HERC1: variants seen among roughly 807,000 people sequenced by gnomAD.
HERC1 encodes probable E3 ubiquitin-protein ligase HERC1.
In HERC1, 160 loss-of-function variants were observed where a neutral mutation model predicts 554.3. That is an observed-to-expected ratio of 0.29 (90% CI 0.25 to 0.33). The LOEUF is 0.33. HERC1 is among the 10% of genes least tolerant of loss of function. The probability of loss-of-function intolerance (pLI) is 1.00; values close to 1 mark genes in which losing one functional copy is unlikely to be tolerated. For missense variants in HERC1, 4,919 were observed against 5,918.5 expected (o/e 0.83, Z 5.54); for synonymous variants, 2,175 against 2,131.7 (o/e 1.02, Z -0.56).
chr15:63,619,483 T>A (rs2067972710), intron 74 of HERC1, among the ~76,000 whole-genome samples: 1 of 152,232 alleles, frequency 6.6e-6, no homozygotes, highest in Non-Finnish European at 1.5e-5. Flanking sequence ...TCTGCCAGGC[T>A]TTGGTTTCAG....
At position 63,732,925 on chromosome 15, in the gene HERC1, G is replaced by A. The variant is rs1449268282; in HGVS notation, c.2867C>T (p.Thr956Ile). The A allele has an allele frequency of 1.3e-6, 2 of 1,587,894 alleles. No individual in the cohort carries two copies. Among genetic ancestry groups the A allele is most frequent in the Non-Finnish European group, 8.6e-7 (1 of 1,156,496 alleles). ...TACTACAATGAAAGAACAACTTACT[G>A]TATAAAATCCTAAATTTCTTAAGAG... ...KTLLRNLGFY[T>I]DQAFGELEKN... is the part of the protein sequence containing the mutation. The change falls in exon 14 of 78, where the codon ACA becomes ATA. Residue 956 changes from threonine to isoleucine, a missense_variant and splice_region_variant. Around this residue, in one of 11 missense-constraint regions of HERC1, gnomAD observed 744 missense variants for 1,090.0 expected, o/e 0.68. Coordinates refer to ENST00000443617, the MANE Select transcript of HERC1 (RefSeq NM_003922.4).
rs369089188 is a variant in HERC1, at chr15:63,616,018, T to C, written c.13942-98A>G. 16 of 1,032,864 alleles carry C rather than the reference T, an allele frequency of 1.5e-5. No individual in the cohort carries two copies. In the South Asian group the frequency reaches 2.2e-4, roughly 14 times the overall value. 64.0% of individuals were successfully genotyped at this position (1,032,864 alleles called of 1,614,324 possible). The stretch of plus-strand genomic sequence containing the variant: ...CGGCACAGCAATAACAAACTCACAA[T>C]TTTTAAGGATAAAAACAAGGAACAC... On this transcript the variant is annotated intron_variant, in intron 75 of 77. Transcript: ENST00000443617.
At chr15:63,673,152 A>G (rs1486355730) in intron 38 of HERC1, among the ~76,000 whole-genome samples, 1 of 152,202 alleles carries the variant, frequency 6.6e-6, no homozygotes, top group African/African-American at 2.4e-5. Flanking sequence ...TCACAATTTA[A>G]AAAGGACAAT....
At chr15:63,748,683 AT>A (rs2075141687) in intron 10 of HERC1, among the ~76,000 whole-genome samples, 1 of 152,192 alleles carries the variant, frequency 6.6e-6, no homozygotes, top group Non-Finnish European at 1.5e-5. Flanking sequence ...TGTTAGAGGA[AT>A]AACTATTGAT....
chr15:63,637,068 A>G (rs1173099114), intron 64 of HERC1: 1 of 455,920 alleles, frequency 2.2e-6, no homozygotes, highest in Admixed American at 2.4e-5. Flanking sequence ...GGGCTTGTAC[A>G]GTGGTTTCTC....
At chr15:63,778,669 A>T (rs368780718) in intron 1 of HERC1, among the ~76,000 whole-genome samples, 3 of 152,332 alleles carry the variant, frequency 2.0e-5, no homozygotes, top group African/African-American at 4.8e-5. Flanking sequence ...TGCTATATTG[A>T]CTGAAGAGAA....
chr15:63,777,354 C>T (rs1311388189), intron 1 of HERC1, among the ~76,000 whole-genome samples: 2 of 152,184 alleles, frequency 1.3e-5, no homozygotes, highest in African/African-American at 4.8e-5. Context: ...ACCCTGACTT[C>T]ATTTGGTATT....
intron 1 of HERC1, among the ~76,000 whole-genome samples, chr15:63,794,668 C>A (rs1567135141): frequency 1.3e-5 from 2 of 152,078 alleles, no homozygotes; most frequent in Non-Finnish European, 2.9e-5. Flanking sequence ...TTTACAATAT[C>A]TCACCTACCA....
intron 5 of HERC1, among the ~76,000 whole-genome samples, chr15:63,755,560 T>C (rs2075394278): frequency 6.6e-6 from 1 of 152,116 alleles, no homozygotes; most frequent in African/African-American, 2.4e-5. Context: ...AGGCAGATTG[T>C]TTGAGCTCAG....
At chr15:63,722,222 A>G (rs531208832) in intron 19 of HERC1, among the ~76,000 whole-genome samples, 2 of 152,312 alleles carry the variant, frequency 1.3e-5, no homozygotes, top group African/African-American at 2.4e-5. Flanking sequence ...ACAAACTTGC[A>G]TAGTACTTTA....
Position 63,698,960 on chromosome 15 carries a change from G to C in HERC1, c.4673C>G (p.Ser1558Cys), listed in dbSNP as rs1180520578. 14 of 1,613,516 alleles carry C rather than the reference G, an allele frequency of 8.7e-6. No homozygotes were observed. The highest frequency in any genetic ancestry group is 1.1e-5 in the Non-Finnish European group (13 of 1,179,552). ...TCTGCTATGTTTCAGGCGAGCCCAA[G>C]AGTCACTCAGGGATTCCAATTGACT... ...MHSQLESLSD[S>C]WARLKHSRDW... The change falls in exon 26 of 78, where the codon TCT becomes TGT. Residue 1558 changes from serine to cysteine, a missense_variant. By Grantham distance (112) the Ser-to-Cys change is moderately radical. This residue lies in a region of HERC1 where 1,121 missense variants were observed against 1,244.0 expected (regional missense o/e 0.90). Coordinates refer to ENST00000443617, the MANE Select transcript of HERC1 (RefSeq NM_003922.4).
At chr15:63,657,301 T>A (rs1237983483) in intron 48 of HERC1, among the ~76,000 whole-genome samples, 1 of 150,668 alleles carries the variant, frequency 6.6e-6, no homozygotes, top group South Asian at 2.1e-4. Context: ...TCACTATGTT[T>A]CCCAGGCTGG....
In HERC1 at chr15:63,643,615, A is replaced by G. The variant is rs1348400313; in HGVS notation, c.11185-65T>C. The G allele has an allele frequency of 1.1e-5, 14 of 1,233,658 alleles. No homozygotes were observed. In the African/African-American group the frequency reaches 2.1e-4, roughly 19 times the overall value. 76.4% of individuals were successfully genotyped at this position (1,233,658 alleles called of 1,614,324 possible). A position where few individuals can be genotyped will look rare whatever the true frequency, so the allele number is the denominator to read the frequency against. On this transcript the variant is annotated intron_variant, in intron 57 of 77. Transcript: ENST00000443617. ...AAATTATATAAGTTCAAGATTTATC[A>G]TTCACTCTTGGAAATTTTATATTTC...
chr15:63,706,787 T>G lies in HERC1; in HGVS notation c.4629A>C (p.Arg1543Ser). The G allele has an allele frequency of 6.5e-7, 1 of 1,539,928 alleles. No homozygotes were observed. The highest frequency in any genetic ancestry group is 8.8e-7 in the Non-Finnish European group (1 of 1,137,238). ...CTTAATACTTACACTTACCTCTCTT[T>G]CTGTGAGATGCTGCCAAATCCAAAT... ...NVDLDLAASH[R>S]KRGPMHSQLE... Residue 1543 changes from arginine to serine, a missense_variant, in exon 25 of 78, where the codon AGA (arginine) becomes AGC (serine). This residue lies in a region of HERC1 where 1,121 missense variants were observed against 1,244.0 expected (regional missense o/e 0.90). Coordinates refer to ENST00000443617, the MANE Select transcript of HERC1 (RefSeq NM_003922.4).
intron 64 of HERC1, chr15:63,637,084 G>GT (rs1384746352): frequency 2.2e-6 from 1 of 456,272 alleles, no homozygotes; most frequent in East Asian, 6.9e-5. Flanking sequence ...TTCTCCAAAG[G>GT]TGTTCTCTCT....
At chr15:63,802,255 G>A (rs2077016240) in intron 1 of HERC1, among the ~76,000 whole-genome samples, 1 of 152,142 alleles carries the variant, frequency 6.6e-6, no homozygotes. Flanking sequence ...ATGGTTAGCT[G>A]TGCAAAATTG....
chr15:63,817,062 T>C (rs1364712589), intron 1 of HERC1, among the ~76,000 whole-genome samples: 3 of 152,000 alleles, frequency 2.0e-5, no homozygotes, highest in Non-Finnish European at 4.4e-5. Flanking sequence ...AGAGATGCAA[T>C]GAGACTAAGG....
At chr15:63,648,892 T>C (rs2069498502) in intron 54 of HERC1, among the ~76,000 whole-genome samples, 1 of 152,210 alleles carries the variant, frequency 6.6e-6, no homozygotes, top group South Asian at 2.1e-4. Context: ...ACTATGACTT[T>C]GAATTACCCC....
rs1327505517 is a variant in HERC1, at chr15:63,805,035, C to A, written c.-27+28792G>T. Among the ~76,000 whole-genome samples the A allele has an allele frequency of 2.6e-5, 4 of 152,182 alleles. No individual in the cohort carries two copies. The East Asian group carries it at 7.7e-4, about 29-fold the overall frequency. On this transcript the variant is annotated intron_variant, in intron 1 of 77. Coordinates refer to ENST00000443617, the MANE Select transcript of HERC1 (RefSeq NM_003922.4). ...ACTGCTTGGCAGTTTATCATAAACA[C>A]ACGCTGTACTTAGCACATATGCAAC...
Sources: allele counts gnomAD v4.1 joint callset (sites outside exome capture counted in the v4.1 genomes callset), GRCh38; gene constraint gnomAD v4.1.1; regional missense constraint gnomAD v4.1.1; transcripts MANE v1.5; gene names NCBI Gene and HGNC (gene_info 2026-07-23, HGNC 2026-07-21).